GRID2: variants seen among roughly 807,000 people sequenced by gnomAD.
GRID2 encodes the protein glutamate receptor ionotropic, delta-2.
GRID2 carries 33 observed loss-of-function variants against 114.8 expected under a neutral mutation model. The observed-to-expected ratio is 0.29, with a 90% confidence interval of 0.22 to 0.38. The LOEUF (loss-of-function observed/expected upper bound fraction) is 0.38, where lower values mean the gene tolerates loss of function less well. Ranked by LOEUF, GRID2 falls within the 10% of genes least tolerant of loss-of-function variation. The probability of loss-of-function intolerance (pLI) is 1.00; values close to 1 mark genes in which losing one functional copy is unlikely to be tolerated. For synonymous variants in GRID2, 505 were observed against 449.9 expected (o/e 1.12, Z -1.55); for missense variants, 1,184 against 1,257.7 (o/e 0.94, Z 0.89).
At chr4:92,680,412 A>C (rs1733593956) in intron 2 of GRID2, among the ~76,000 whole-genome samples, 1 of 152,186 alleles carries the variant, frequency 6.6e-6, no homozygotes, top group African/African-American at 2.4e-5. Context: ...TTAGGCCCTG[A>C]AAATTAAATT....
chr4:93,083,375 A>G (rs1730045771), intron 2 of GRID2, among the ~76,000 whole-genome samples: 1 of 152,146 alleles, frequency 6.6e-6, no homozygotes, highest in East Asian at 1.9e-4. Flanking sequence ...TGCTAAAATT[A>G]GACCTCACAA....
At chr4:93,612,207 C>T (rs1297981963) in intron 13 of GRID2, among the ~76,000 whole-genome samples, 2 of 149,800 alleles carry the variant, frequency 1.3e-5, no homozygotes, top group African/African-American at 4.9e-5. Flanking sequence ...ATGTGTGTCT[C>T]TGCACGTGAG....
rs1057052217 is a variant in GRID2 at position 93,772,587 on chromosome 4, G to A, written c.*89G>A. ...ATTGTGGGACTAACATGGATGTAAC[G>A]TTTAAAAAAAAGATCAGGATTATTA... On this transcript the variant is annotated 3_prime_UTR_variant, in exon 16 of 16. Coordinates refer to ENST00000282020, the MANE Select transcript of GRID2 (RefSeq NM_001510.4). The A allele has an allele frequency of 1.7e-5, 16 of 915,868 alleles. No homozygotes were observed. The South Asian group carries it at 2.1e-4, about 12-fold the overall frequency. 56.7% of individuals were successfully genotyped at this position (915,868 alleles called of 1,614,324 possible).
chr4:93,499,553 C>T (rs1387409098), intron 12 of GRID2, among the ~76,000 whole-genome samples: 1 of 151,814 alleles, frequency 6.6e-6, no homozygotes, highest in Non-Finnish European at 1.5e-5. Context: ...TTTACATGCT[C>T]TTCTCTCTCC....
intron 4 of GRID2, among the ~76,000 whole-genome samples, chr4:93,191,804 T>A (rs569567460): frequency 2.0e-4 from 31 of 152,326 alleles, no homozygotes; most frequent in African/African-American, 7.0e-4. Context: ...CAATCTCTGC[T>A]TTTAATTTAC....
chr4:93,458,956 G>T (rs1580144174), intron 11 of GRID2, among the ~76,000 whole-genome samples: 1 of 152,046 alleles, frequency 6.6e-6, no homozygotes, highest in South Asian at 2.1e-4. Context: ...GAGGCAGGCG[G>T]ATCACCTGAG....
At chr4:93,568,177 T>A (rs910386527) in intron 13 of GRID2, among the ~76,000 whole-genome samples, 2 of 152,216 alleles carry the variant, frequency 1.3e-5, no homozygotes. Flanking sequence ...ATGGTCATTG[T>A]GAAAATTGAC....
chr4:93,743,497 TG>T (rs1023136948), intron 14 of GRID2, among the ~76,000 whole-genome samples: 3 of 152,206 alleles, frequency 2.0e-5, no homozygotes, highest in African/African-American at 7.2e-5. Context: ...AAAGGTTTTT[TG>T]GTTCATGATT....
At chr4:93,793,117 T>A (rs964362785) in intron 1 of GRID2, among the ~76,000 whole-genome samples, 108 of 152,222 alleles carry the variant, frequency 7.1e-4, no homozygotes, top group African/African-American at 2.5e-3. Context: ...ATTTGAAATA[T>A]AAATGTATAA....
rs147366484 is a variant in GRID2, at chr4:93,198,386, AC to A, written c.736-9016del. ...ATGCCTGATGAAGTCACATGCAGAGACCTAAATGAAATGAAGGAGGGAGCTA... is the reference window on the plus strand; with the variant it reads ...ATGCCTGATGAAGTCACATGCAGAGACTAAATGAAATGAAGGAGGGAGCTA... On this transcript the variant is annotated intron_variant, in intron 4 of 15. Coordinates refer to ENST00000282020, the MANE Select transcript of GRID2 (RefSeq NM_001510.4). 7.6e-3 allele frequency among the ~76,000 whole-genome samples: 1,164 copies of A among 152,200 alleles called. 22 individuals are homozygous for A. Among genetic ancestry groups the A allele is most frequent in the African/African-American group, 0.027 (1,109 of 41,504 alleles).
At chr4:93,181,043 A>G (rs1405035245) in intron 4 of GRID2, among the ~76,000 whole-genome samples, 1 of 152,144 alleles carries the variant, frequency 6.6e-6, no homozygotes, top group Admixed American at 6.6e-5. Flanking sequence ...ACTCTGCCCA[A>G]ATATATCAGA....
At chr4:93,034,530 G>A (rs1724736989) in intron 2 of GRID2, among the ~76,000 whole-genome samples, 1 of 152,078 alleles carries the variant, frequency 6.6e-6, no homozygotes, top group African/African-American at 2.4e-5. Flanking sequence ...CATTGAACAC[G>A]ACTTCTACAC....
intron 4 of GRID2, among the ~76,000 whole-genome samples, chr4:93,117,984 A>G (rs1733436732): frequency 6.6e-6 from 1 of 152,194 alleles, no homozygotes; most frequent in African/African-American, 2.4e-5. Flanking sequence ...GAACCTCGCT[A>G]CTGTGAATGA....
At chr4:93,156,694 T>G (rs1474133316) in intron 4 of GRID2, among the ~76,000 whole-genome samples, 1 of 151,734 alleles carries the variant, frequency 6.6e-6, no homozygotes, top group Non-Finnish European at 1.5e-5. Flanking sequence ...TTGATTTAGA[T>G]CTAATCATCT....
At chr4:92,324,502 A>G (rs575513476) in intron 1 of GRID2, among the ~76,000 whole-genome samples, 1 of 151,966 alleles carries the variant, frequency 6.6e-6, no homozygotes, top group East Asian at 1.9e-4. Flanking sequence ...AATATTCTTG[A>G]TTATATTCTT....
At chr4:92,619,810 C>G (rs1730179608) in intron 2 of GRID2, among the ~76,000 whole-genome samples, 1 of 151,612 alleles carries the variant, frequency 6.6e-6, no homozygotes, top group African/African-American at 2.4e-5. Context: ...TAAATAGTTT[C>G]ACACATGAGT....
chr4:92,335,741 GTTGAATGACTAGAC>G (rs901217252), intron 1 of GRID2, among the ~76,000 whole-genome samples: 20 of 152,304 alleles, frequency 1.3e-4, no homozygotes, highest in South Asian at 2.1e-4. Flanking sequence ...CAGAGAGATG[GTTGAATGACTAGAC>G]TTGAATGGTA....
At chr4:92,589,953 T>C (rs1728629098) in intron 1 of GRID2, among the ~76,000 whole-genome samples, 178 bp from the exon 2 acceptor site, 1 of 152,230 alleles carries the variant, frequency 6.6e-6, no homozygotes, top group Non-Finnish European at 1.5e-5. Flanking sequence ...AAGAAGTAAC[T>C]ATATTCCTTC....
At chr4:93,035,848 A>G (rs1030941087) in intron 2 of GRID2, among the ~76,000 whole-genome samples, 1 of 152,186 alleles carries the variant, frequency 6.6e-6, no homozygotes, top group Non-Finnish European at 1.5e-5. Flanking sequence ...CAGGAGTGAC[A>G]TTCCACTACT....
Sources: gnomAD v4.1 joint callset for allele counts (sites outside exome capture counted in the v4.1 genomes callset) on GRCh38, gnomAD v4.1.1 for gene constraint, MANE v1.5 for transcripts, NCBI Gene and HGNC (gene_info 2026-07-23, HGNC 2026-07-21) for gene names.